The following RBPMS2 variants were observed in gnomAD, a reference collection of about 807,000 sequenced individuals.
RBPMS2 encodes the protein RNA-binding protein with multiple splicing 2.
Under a neutral mutation model 25.7 loss-of-function variants are expected in RBPMS2, and 14 were observed. The observed-to-expected ratio is 0.55, with a 90% CI of 0.36 to 0.85. The LOEUF (loss-of-function observed/expected upper bound fraction) is 0.85. Ranked by LOEUF, RBPMS2 falls within the 40% of genes least tolerant of loss-of-function variation. The pLI, the probability that RBPMS2 is intolerant of heterozygous loss-of-function variation, is 0.01. For synonymous variants in RBPMS2, 127 were observed against 115.6 expected (o/e 1.10, Z -0.63); for missense variants, 252 against 283.4 (o/e 0.89, Z 0.80).
intron 1 of RBPMS2, among the ~76,000 whole-genome samples, chr15:64,770,222 CCT>C (rs1252855825): frequency 1.3e-5 from 2 of 152,082 alleles, no homozygotes; most frequent in African/African-American, 4.8e-5. Context: ...CCTTTCTCCC[CCT>C]GCCTTCCAGT....
chr15:64,744,439 T>C lies in RBPMS2; in HGVS notation c.568-3197A>G, dbSNP rs569942555. Among the ~76,000 whole-genome samples the C allele has an allele frequency of 2.0e-5, 3 of 151,572 alleles. No homozygotes were observed. In the South Asian group the frequency reaches 6.2e-4, roughly 32 times the overall value. ...TGGGCGTGGTGGTACATGCCTGTAA[T>C]CCCAGCTACTAGGGAGGCTGAGGCA... On this transcript the variant is annotated intron_variant, in intron 6 of 7. Transcript: ENST00000300069.
intron 1 of RBPMS2, among the ~76,000 whole-genome samples, chr15:64,768,052 C>T (rs1039211952): frequency 2.6e-5 from 4 of 152,144 alleles, no homozygotes; most frequent in Non-Finnish European, 4.4e-5. Flanking sequence ...GAAGGGATAA[C>T]GAGACACAAA....
intron 1 of RBPMS2, among the ~76,000 whole-genome samples, chr15:64,772,978 T>G (rs746708699): frequency 6.6e-6 from 1 of 152,160 alleles, no homozygotes; most frequent in African/African-American, 2.4e-5. Context: ...GCAACCTCAC[T>G]GATAACTCCC....
At chr15:64,749,341 C>T in intron 4 of RBPMS2, 90 bp downstream of exon 4, 1 of 1,381,802 alleles carries the variant, frequency 7.2e-7, no homozygotes, top group Non-Finnish European at 1.0e-6. Context: ...AAGGACTCTG[C>T]CCAGGGATGG....
chr15:64,775,230 C>A lies in RBPMS2; in HGVS notation c.87+3G>T, dbSNP rs1162532351. 7.7e-7 allele frequency: 1 copy of A among 1,292,302 alleles called. No homozygotes were observed. The highest frequency in any genetic ancestry group is 9.8e-7 in the Non-Finnish European group (1 of 1,017,946). 80.1% of individuals were successfully genotyped at this position (1,292,302 alleles called of 1,614,324 possible). On this transcript the variant is annotated splice_donor_region_variant and intron_variant, in intron 1 of 7. Coordinates refer to ENST00000300069, the MANE Select transcript of RBPMS2 (RefSeq NM_194272.3). The stretch of plus-strand genomic sequence containing the variant: ...CCGGCAAGTCCCGGGGCCACAGACC[C>A]ACCTCCTCCTCCAGGGCGCCGCCGG...
At chr15:64,745,042 G>A (rs1320783387) in intron 6 of RBPMS2, among the ~76,000 whole-genome samples, 1 of 151,916 alleles carries the variant, frequency 6.6e-6, no homozygotes, top group Non-Finnish European at 1.5e-5. Context: ...TTGACCACCT[G>A]ACCTCAGGTA....
chr15:64,749,323 G>C, intron 4 of RBPMS2, 108 bp downstream of exon 4: 2 of 1,311,368 alleles, frequency 1.5e-6, no homozygotes, highest in Non-Finnish European at 2.2e-6. Context: ...GGCACAGACA[G>C]TGTCGCCAAG....
intron 1 of RBPMS2, 148 bp from the exon 2 acceptor site, chr15:64,751,786 T>G (rs754074145): frequency 3.2e-6 from 2 of 615,788 alleles, no homozygotes; most frequent in Non-Finnish European, 5.8e-6. Context: ...CAAGGCAAAT[T>G]AACATTGTTT....
At position 64,775,261 on chromosome 15, in the gene RBPMS2, G is replaced by T; in HGVS notation, c.59C>A (p.Ala20Glu). 7.5e-7 allele frequency: 1 copy of T among 1,332,454 alleles called. No individual in the cohort carries two copies. The highest frequency in any genetic ancestry group is 3.3e-5 in the East Asian group (1 of 30,190). 82.5% of individuals were successfully genotyped at this position (1,332,454 alleles called of 1,614,324 possible). ...CTCCTCCAGGGCGCCGCCGGAGCCC[G>T]CGCCGGAGCCGGTGCCGGTGCTGCC... ...HGGSTGTGSG[A>E]GSGGALEEEV... Residue 20 changes from alanine (A) to glutamate (E), a missense_variant, in exon 1 of 8, where the codon GCG (alanine) becomes GAG (glutamate). Transcript: ENST00000300069.
intron 1 of RBPMS2, among the ~76,000 whole-genome samples, chr15:64,756,910 C>T (rs1451455694): frequency 4.0e-5 from 6 of 150,786 alleles, no homozygotes; most frequent in East Asian, 3.9e-4. Flanking sequence ...TCAAGTGATC[C>T]GCCCGCCTTG....
chr15:64,770,397 G>A (rs1322414331), intron 1 of RBPMS2, among the ~76,000 whole-genome samples: 1 of 152,160 alleles, frequency 6.6e-6, no homozygotes, highest in Non-Finnish European at 1.5e-5. Flanking sequence ...AATAATGTAA[G>A]TACTTCATAA....
chr15:64,768,302 G>A (rs989764364), intron 1 of RBPMS2, among the ~76,000 whole-genome samples: 3 of 152,150 alleles, frequency 2.0e-5, no homozygotes, highest in Admixed American at 6.6e-5. Context: ...GAGGCCACAA[G>A]TTCGAGAGCA....
At chr15:64,764,027 G>A (rs1204567310) in intron 1 of RBPMS2, among the ~76,000 whole-genome samples, 2 of 152,222 alleles carry the variant, frequency 1.3e-5, no homozygotes, top group African/African-American at 4.8e-5. Flanking sequence ...AGACCAAACA[G>A]AGAATGAGCT....
intron 1 of RBPMS2, chr15:64,762,274 C>T (rs141734949): frequency 6.6e-6 from 3 of 457,884 alleles, no homozygotes; most frequent in African/African-American, 2.0e-5. Context: ...TACAGGCCAA[C>T]GACGAGACTG....
intron 1 of RBPMS2, among the ~76,000 whole-genome samples, chr15:64,768,925 C>T (rs539763852): frequency 6.6e-6 from 1 of 150,956 alleles, no homozygotes; most frequent in Non-Finnish European, 1.5e-5. Context: ...ACGATGAAAC[C>T]CCGTCTCTAC....
chr15:64,767,662 C>T (rs1378890610), intron 1 of RBPMS2, among the ~76,000 whole-genome samples: 2 of 152,146 alleles, frequency 1.3e-5, no homozygotes, highest in Non-Finnish European at 2.9e-5. Context: ...CAGCATGTCC[C>T]AGCCTTGAGT....
At position 64,775,428 on chromosome 15, in the gene RBPMS2, G is replaced by C. The variant is rs2083924405; in HGVS notation, c.-109C>G. ...CGGTGCGCTCGCGGGTGCGGAGCGGGTGGCGGGGGACCCACGGGGCAGTGA... is the reference window on the plus strand; with the variant it reads ...CGGTGCGCTCGCGGGTGCGGAGCGGCTGGCGGGGGACCCACGGGGCAGTGA... On this transcript the variant is annotated 5_prime_UTR_variant, in exon 1 of 8. Coordinates refer to ENST00000300069, the MANE Select transcript of RBPMS2 (RefSeq NM_194272.3). The C allele has an allele frequency of 4.3e-6, 2 of 463,718 alleles. No homozygotes were observed. The highest frequency in any genetic ancestry group is 6.7e-6 in the Non-Finnish European group (2 of 297,328). The allele number at this position is 463,718 out of a possible 1,614,324, so 28.7% of individuals were successfully genotyped here. A position where few individuals can be genotyped will look rare whatever the true frequency, so the allele number is the denominator to read the frequency against.
intron 1 of RBPMS2, among the ~76,000 whole-genome samples, chr15:64,766,537 T>C (rs1374306183): frequency 6.6e-6 from 1 of 151,956 alleles, no homozygotes; most frequent in Admixed American, 6.6e-5. Context: ...TGGCTTTTTT[T>C]TTTTTTTAAG....
intron 1 of RBPMS2, among the ~76,000 whole-genome samples, chr15:64,770,102 C>T (rs1007965358): frequency 2.0e-5 from 3 of 152,096 alleles, no homozygotes; most frequent in Non-Finnish European, 2.9e-5. Context: ...TCGCTTGAAC[C>T]TGGGAGGCAG....
Sources: gnomAD v4.1 joint callset for allele counts (sites outside exome capture counted in the v4.1 genomes callset) on GRCh38, gnomAD v4.1.1 for gene constraint, MANE v1.5 for transcripts, NCBI Gene and HGNC (gene_info 2026-07-23, HGNC 2026-07-21) for gene names.